The following ZNF276 variants were observed in gnomAD, a reference collection of about 807,000 sequenced individuals.
ZNF276 encodes the protein centromere protein Z.
ZNF276 carries 59 observed loss-of-function variants against 63.9 expected under a neutral mutation model. That is an observed-to-expected ratio of 0.92 (90% confidence interval 0.75 to 1.15). The LOEUF is 1.15. ZNF276 is among the 50% of genes most tolerant of loss of function. ZNF276 has a pLI of 0.00. For missense variants in ZNF276, 1,084 were observed against 843.8 expected (o/e 1.28, Z -3.53); for synonymous variants, 496 against 348.4 (o/e 1.42, Z -4.72).
At chr16:89,733,155 G>A (rs1359356273) in intron 6 of ZNF276, 147 bp from the exon 7 acceptor site, 2 of 751,784 alleles carry the variant, frequency 2.7e-6, no homozygotes, top group Non-Finnish European at 2.2e-6. Flanking sequence ...TCTGGCTTTG[G>A]TGGCTTCAGG....
At chr16:89,731,290 G>T (rs937058361) in intron 6 of ZNF276, among the ~76,000 whole-genome samples, 9 of 152,248 alleles carry the variant, frequency 5.9e-5, no homozygotes, top group Non-Finnish European at 1.2e-4. Flanking sequence ...GTCTTGCTCT[G>T]TTGCCCAGAC....
intron 8 of ZNF276, 112 bp downstream of exon 8, chr16:89,733,669 C>T (rs930842615): frequency 7.0e-6 from 9 of 1,280,558 alleles, no homozygotes; most frequent in South Asian, 3.8e-5. Flanking sequence ...ACACTTTGAC[C>T]TAGGTTAACC....
chr16:89,723,243 C>G lies in ZNF276; in HGVS notation c.557-17C>G, dbSNP rs761753920. The G allele has an allele frequency of 6.2e-7, 1 of 1,613,256 alleles. No homozygotes were observed. Among genetic ancestry groups the G allele is most frequent in the South Asian group, 1.1e-5 (1 of 91,080 alleles). On this transcript the variant is annotated splice_polypyrimidine_tract_variant and intron_variant, in intron 3 of 10. Transcript: ENST00000443381. The stretch of plus-strand genomic sequence containing the variant: ...CCGACCAGCCGTGGATCTGACATCT[C>G]TGTTGACTCTCTGCAGTGGATCTGA...
upstream of ZNF276, chr16:89,721,005 C>A: frequency 3.7e-6 from 3 of 808,784 alleles, no homozygotes; most frequent in Non-Finnish European, 4.9e-6. Flanking sequence ...CGACGGGCCC[C>A]CTCCGCGCGT....
At position 89,739,784 on chromosome 16, in the gene ZNF276, T is replaced by G; in HGVS notation, c.*1538T>G. On this transcript the variant is annotated 3_prime_UTR_variant, in exon 11 of 11. Transcript: ENST00000443381. ...GTGGTGCAGAGAGAGGCAGTCCCCATGATAGGCCCATTGGTCCTGGGGTTG... is the reference window on the plus strand; with the variant it reads ...GTGGTGCAGAGAGAGGCAGTCCCCAGGATAGGCCCATTGGTCCTGGGGTTG... 1 of 1,469,222 alleles carries G rather than the reference T, an allele frequency of 6.8e-7. No homozygotes were observed. 91.0% of individuals were successfully genotyped at this position (1,469,222 alleles called of 1,614,324 possible). A position where few individuals can be genotyped will look rare whatever the true frequency, so the allele number is the denominator to read the frequency against.
chr16:89,723,457 T>C lies in ZNF276; in HGVS notation c.754T>C (p.Leu252=). ...TACCAGCTCCAGCTGCAAGGCCTTC[T>C]TGCTGGACAGTGCGCTGGCAGTCAA... ...MDTSSSCKAF[L]LDSALAVKWP... Residue 252 remains leucine (L), a synonymous_variant, in exon 4 of 11, where the codon TTG becomes CTG. Coordinates refer to ENST00000443381, the MANE Select transcript of ZNF276 (RefSeq NM_001113525.2). 6.2e-7 allele frequency: 1 copy of C among 1,613,014 alleles called. No individual in the cohort carries two copies. The highest frequency in any genetic ancestry group is 8.5e-7 in the Non-Finnish European group (1 of 1,180,016).
chr16:89,740,892 A>G lies in ZNF276; in HGVS notation c.*2646A>G. 1 of 1,589,012 alleles carries G rather than the reference A, an allele frequency of 6.3e-7. No homozygotes were observed. Among genetic ancestry groups the G allele is most frequent in the Non-Finnish European group, 8.6e-7 (1 of 1,162,384 alleles). ...CTGTAAATAAAAACGTGCACTTATT[A>G]TTACATTAAAATTACCTGTGCTGTC... On this transcript the variant is annotated 3_prime_UTR_variant, in exon 11 of 11. Transcript: ENST00000443381.
At chr16:89,734,109 C>G in intron 9 of ZNF276, 71 bp downstream of exon 9, 1 of 1,446,758 alleles carries the variant, frequency 6.9e-7, no homozygotes. Flanking sequence ...CAGTCTTCCT[C>G]ATACCCATCC....
chr16:89,727,843 A>G (rs1383255903), intron 5 of ZNF276, among the ~76,000 whole-genome samples: 1 of 152,154 alleles, frequency 6.6e-6, no homozygotes, highest in East Asian at 1.9e-4. Context: ...TGACTATGAC[A>G]CTGTTGTGGC....
Position 89,722,758 on chromosome 16 carries a change from C to G in ZNF276, c.433C>G (p.Gln145Glu), listed in dbSNP as rs1374678459. The change falls in exon 2 of 11, where the codon CAG becomes GAG. Residue 145 changes from glutamine (Q) to glutamate (E), a missense_variant. By Grantham distance (29) the Gln-to-Glu change is conservative. Transcript: ENST00000443381. ...CAAGAGCTGCCACGCCCAGTTCTACCAGTGCCACAGCCTTCTCAAGTCCTT... is the reference window on the plus strand; with the variant it reads ...CAAGAGCTGCCACGCCCAGTTCTACGAGTGCCACAGCCTTCTCAAGTCCTT... ...VCKSCHAQFY[Q>E]CHSLLKSFLQ... 1 of 1,610,886 alleles carries G rather than the reference C, an allele frequency of 6.2e-7. No homozygotes were observed. Among genetic ancestry groups the G allele is most frequent in the Non-Finnish European group, 8.5e-7 (1 of 1,180,026 alleles).
At position 89,740,131 on chromosome 16, in the gene ZNF276, G is replaced by A. The variant is rs756391531; in HGVS notation, c.*1885G>A. The A allele has an allele frequency of 1.3e-6, 2 of 1,567,556 alleles. No homozygotes were observed. Among genetic ancestry groups the A allele is most frequent in the East Asian group, 2.2e-5 (1 of 44,608 alleles). On this transcript the variant is annotated 3_prime_UTR_variant, in exon 11 of 11. Transcript: ENST00000443381. ...ACCGCAGGAGACCAACCCTGAGAAT[G>A]GCCGACCTGGTGCTCCCATGGGTAG...
Position 89,738,233 on chromosome 16 carries a change from C to A in ZNF276, c.1832C>A (p.Pro611His), listed in dbSNP as rs1257247675. The change falls in exon 11 of 11, where the codon CCC becomes CAC. Residue 611 changes from proline (P) to histidine (H), a missense_variant. Coordinates refer to ENST00000443381, the MANE Select transcript of ZNF276 (RefSeq NM_001113525.2). ...SVTTEGQAVK[P>H]EPT ...ACCACAGAGGGCCAGGCGGTGAAGC[C>A]CGAACCCACCTGAGGACGGCAGTGA... 1 of 1,604,824 alleles carries A rather than the reference C, an allele frequency of 6.2e-7. No homozygotes were observed.
upstream of ZNF276, chr16:89,721,084 G>C (rs2061254698): frequency 2.8e-6 from 1 of 352,688 alleles, no homozygotes; most frequent in Admixed American, 4.9e-5. Flanking sequence ...ACGGAGCCGG[G>C]CCTCTTCGCC....
At chr16:89,726,621 G>A (rs562534464) in intron 4 of ZNF276, among the ~76,000 whole-genome samples, 2 of 151,880 alleles carry the variant, frequency 1.3e-5, no homozygotes, top group East Asian at 3.9e-4. Context: ...GTGAGCCACT[G>A]CACCCGGACT....
upstream of ZNF276, chr16:89,721,399 C>CCG (rs1047367696): frequency 5.1e-6 from 2 of 391,654 alleles, no homozygotes; most frequent in African/African-American, 4.2e-5. Flanking sequence ...GCGGGCACGG[C>CCG]CGCCCTCGGG....
In ZNF276 at chr16:89,737,824, G is replaced by A; in HGVS notation, c.1493G>A (p.Cys498Tyr). The change falls in exon 10 of 11, where the codon TGT becomes TAT. Residue 498 changes from cysteine to tyrosine, a missense_variant. Physicochemically the swap from Cys to Tyr is radical, Grantham distance 194. Coordinates refer to ENST00000443381, the MANE Select transcript of ZNF276 (RefSeq NM_001113525.2). ...CTCTCAGAGGTGCGGAACTATATCT[G>A]TGACGAATGTGGACAAACCTTCAAG... is the stretch of plus-strand genomic sequence containing the variant. ...LIHTEVRNYI[C>Y]DECGQTFKQR... 6.2e-7 allele frequency: 1 copy of A among 1,614,186 alleles called. No homozygotes were observed. The highest frequency in any genetic ancestry group is 8.5e-7 in the Non-Finnish European group (1 of 1,180,034).
chr16:89,723,032 C>T (rs778533353), intron 2 of ZNF276, 105 bp from the exon 3 acceptor site: 283 of 1,605,732 alleles, frequency 1.8e-4, no homozygotes, highest in Middle Eastern at 9.8e-4. Context: ...GAGAAAGTTG[C>T]CTATGGGGAC....
upstream of ZNF276, chr16:89,720,896 G>A (rs905314853): frequency 9.3e-6 from 12 of 1,296,468 alleles, no homozygotes; most frequent in African/African-American, 1.6e-4. Context: ...CGGTAGCCGA[G>A]GGGCTGGACG....
At position 89,733,433 on chromosome 16, in the gene ZNF276, C is replaced by A. The variant is rs764796479; in HGVS notation, c.1280+21C>A. ...GAGAGGTGATGCCTGCAACGCGAGGCTCGCCCTGCCTGTCGGGGCCGGGGC... is the reference window on the plus strand; with the variant it reads ...GAGAGGTGATGCCTGCAACGCGAGGATCGCCCTGCCTGTCGGGGCCGGGGC... On this transcript the variant is annotated intron_variant, in intron 7 of 10. Coordinates refer to ENST00000443381, the MANE Select transcript of ZNF276 (RefSeq NM_001113525.2). 3.7e-6 allele frequency: 6 copies of A among 1,613,986 alleles called. No individual in the cohort carries two copies. In the African/African-American group the frequency reaches 6.7e-5, roughly 18 times the overall value.
Sources: gnomAD v4.1 joint callset for allele counts (sites outside exome capture counted in the v4.1 genomes callset) on GRCh38, gnomAD v4.1.1 for gene constraint, MANE v1.5 for transcripts, NCBI Gene and HGNC (gene_info 2026-07-23, HGNC 2026-07-21) for gene names.